The following OR2H2 variants were observed in gnomAD, a reference collection of about 807,000 sequenced individuals.
OR2H2 encodes olfactory receptor family 2 subfamily H member 2.
For synonymous variants in OR2H2, 146 were observed against 132.4 expected (o/e 1.10, Z -0.71); for missense variants, 295 against 313.7 (o/e 0.94, Z 0.45).
Position 29,585,807 on chromosome 6 carries a change from A to C in OR2H2, c.-276+457A>C, listed in dbSNP as rs534328021. On this transcript the variant is annotated intron_variant, in intron 1 of 1. Transcript: ENST00000641840. The stretch of plus-strand genomic sequence containing the variant: ...AATGAGAGTGGAAAAGACAGAGAAC[A>C]AAGAGGGAAAGGGAAACAGTCACTA... 7.2e-5 allele frequency among the ~76,000 whole-genome samples: 11 copies of C among 152,354 alleles called. No individual in the cohort carries two copies. The East Asian group carries it at 1.3e-3, about 19-fold the overall frequency.
At position 29,588,575 on chromosome 6, in the gene OR2H2, C is replaced by A. The variant is rs372781964; in HGVS notation, c.631C>A (p.Leu211Ile). Residue 211 changes from leucine to isoleucine, a missense_variant, in exon 2 of 2, where the codon CTC becomes ATC. Physicochemically the swap from Leu to Ile is conservative, Grantham distance 5. Coordinates refer to ENST00000641840, the MANE Select transcript of OR2H2 (RefSeq NM_007160.4). Reference protein sequence around the residue: ...SVFILVVPLSLILVSYGAITW... With the variant: ...SVFILVVPLSIILVSYGAITW... ...CTTCATCTTGGTTGTGCCTCTCAGC[C>A]TCATCCTTGTCTCTTACGGAGCCAT... 1 of 1,026,220 alleles carries A rather than the reference C, an allele frequency of 9.7e-7. No individual in the cohort carries two copies. Among genetic ancestry groups the A allele is most frequent in the Non-Finnish European group, 1.6e-6 (1 of 643,852 alleles). 63.6% of individuals were successfully genotyped at this position (1,026,220 alleles called of 1,614,324 possible). A position where few individuals can be genotyped will look rare whatever the true frequency, so the allele number is the denominator to read the frequency against.
rs776753816 is a variant in OR2H2 at position 29,588,453 on chromosome 6, G to C, written c.509G>C (p.Arg170Pro). The C allele has an allele frequency of 5.2e-6, 7 of 1,339,222 alleles. No individual in the cohort carries two copies. The African/African-American group carries it at 1.0e-4, about 19-fold the overall frequency. The allele number at this position is 1,339,222 out of a possible 1,614,324, so 83.0% of individuals were successfully genotyped here. The change falls in exon 2 of 2, where the codon CGG becomes CCG. Residue 170 changes from arginine to proline, a missense_variant. Physicochemically the swap from Arg to Pro is moderately radical, Grantham distance 103. Transcript: ENST00000641840. ...STLHLPFCPD[R>P]QVDDFVCEVP... ...CTGCACCTGCCCTTCTGCCCCGATC[G>C]GCAGGTGGATGATTTTGTCTGTGAG...
chr6:29,586,049 C>T (rs1760230984), intron 1 of OR2H2, among the ~76,000 whole-genome samples: 1 of 152,166 alleles, frequency 6.6e-6, no homozygotes, highest in Admixed American at 6.5e-5. Flanking sequence ...CATGAGGTTT[C>T]TTTTGGGAGT....
Position 29,588,880 on chromosome 6 carries a change from C to T in OR2H2, c.936C>T (p.Ser312=), listed in dbSNP as rs752171782. 3 of 790,718 alleles carry T rather than the reference C, an allele frequency of 3.8e-6. No individual in the cohort carries two copies. Among genetic ancestry groups the T allele is most frequent in the African/African-American group, 1.7e-5 (1 of 59,312 alleles). The allele number at this position is 790,718 out of a possible 1,614,324, so 49.0% of individuals were successfully genotyped here. A position where few individuals can be genotyped will look rare whatever the true frequency, so the allele number is the denominator to read the frequency against. ...LLGKEMGLTQ[S] Reference sequence around the variant, plus strand: ...GGAAGGAAATGGGGCTCACACAAAGCTGAGGGAGAGCTGCTTAATGTGCTT... The same window carrying T: ...GGAAGGAAATGGGGCTCACACAAAGTTGAGGGAGAGCTGCTTAATGTGCTT... The change falls in exon 2 of 2, where the codon AGC becomes AGT. Residue 312 remains serine, a synonymous_variant. Coordinates refer to ENST00000641840, the MANE Select transcript of OR2H2 (RefSeq NM_007160.4).
rs937453283 is a variant in OR2H2, at chr6:29,589,292, C to G, written c.*409C>G. On this transcript the variant is annotated 3_prime_UTR_variant, in exon 2 of 2. Coordinates refer to ENST00000641840, the MANE Select transcript of OR2H2 (RefSeq NM_007160.4). ...TCACTATATGTCTGTTTTGTATTCT[C>G]ATTCTATTTTATTCCTCAAATAACA... is the stretch of plus-strand genomic sequence containing the variant. 1 of 179,702 alleles carries G rather than the reference C, an allele frequency of 5.6e-6. No individual in the cohort carries two copies. The highest frequency in any genetic ancestry group is 1.2e-5 in the Non-Finnish European group (1 of 85,672). The allele number at this position is 179,702 out of a possible 1,614,324, so 11.1% of individuals were successfully genotyped here. A position where few individuals can be genotyped will look rare whatever the true frequency, so the allele number is the denominator to read the frequency against.
rs1284315541 is a variant in OR2H2, at chr6:29,590,244, T to C, written c.*1361T>C. ...CAGAATTTATGTTACCACTTGCAAA[T>C]GTGCAAGACAGGATTTGAACCCAGG... On this transcript the variant is annotated 3_prime_UTR_variant, in exon 2 of 2. Coordinates refer to ENST00000641840, the MANE Select transcript of OR2H2 (RefSeq NM_007160.4). 2 of 152,182 alleles carry C rather than the reference T, an allele frequency of 1.3e-5. No individual in the cohort carries two copies. Among genetic ancestry groups the C allele is most frequent in the Non-Finnish European group, 2.9e-5 (2 of 68,026 alleles). 9.4% of individuals were successfully genotyped at this position (152,182 alleles called of 1,614,324 possible).
Position 29,588,430 on chromosome 6 carries a change from G to A in OR2H2, c.486G>A (p.Leu162=), listed in dbSNP as rs371774613. 20 of 1,485,220 alleles carry A rather than the reference G, an allele frequency of 1.3e-5. No homozygotes were observed. The African/African-American group carries it at 2.8e-4, about 21-fold the overall frequency. 92.0% of individuals were successfully genotyped at this position (1,485,220 alleles called of 1,614,324 possible). The change falls in exon 2 of 2, where the codon CTG becomes CTA. Residue 162 remains leucine (L), a synonymous_variant. Coordinates refer to ENST00000641840, the MANE Select transcript of OR2H2 (RefSeq NM_007160.4). ...VESVVQTPST[L]HLPFCPDRQV... is the part of the protein sequence containing the mutation. Reference sequence around the variant, plus strand: ...CAGTGGTCCAGACACCATCCACCCTGCACCTGCCCTTCTGCCCCGATCGGC... The same window carrying A: ...CAGTGGTCCAGACACCATCCACCCTACACCTGCCCTTCTGCCCCGATCGGC...
chr6:29,587,753 A>G lies in OR2H2; in HGVS notation c.-192A>G, dbSNP rs1328620526. On this transcript the variant is annotated 5_prime_UTR_variant, in exon 2 of 2. Coordinates refer to ENST00000641840, the MANE Select transcript of OR2H2 (RefSeq NM_007160.4). ...CACTCTCACTAGACAATGTTTGACCAGGAAGAACAGGGAATGAGAAGGAGC... is the reference window on the plus strand; with the variant it reads ...CACTCTCACTAGACAATGTTTGACCGGGAAGAACAGGGAATGAGAAGGAGC... 3.6e-6 allele frequency: 2 copies of G among 555,818 alleles called. No homozygotes were observed. Among genetic ancestry groups the G allele is most frequent in the Non-Finnish European group, 3.2e-6 (1 of 311,350 alleles). The allele number at this position is 555,818 out of a possible 1,614,324, so 34.4% of individuals were successfully genotyped here.
In OR2H2 at chr6:29,588,326, C is replaced by G. The variant is rs751959907; in HGVS notation, c.382C>G (p.Leu128Val). The change falls in exon 2 of 2, where the codon CTC (leucine) becomes GTC (valine). Residue 128 changes from leucine to valine, a missense_variant. Coordinates refer to ENST00000641840, the MANE Select transcript of OR2H2 (RefSeq NM_007160.4). ...TCGCTACGTGGCTGTCTGCCAGCCC[C>G]TCCACTATGCCACCATCATCCACCC... is the stretch of plus-strand genomic sequence containing the variant. ...FDRYVAVCQP[L>V]HYATIIHPRL... 5 of 1,612,932 alleles carry G rather than the reference C, an allele frequency of 3.1e-6. No individual in the cohort carries two copies. The highest frequency in any genetic ancestry group is 4.2e-6 in the Non-Finnish European group (5 of 1,180,004).
Position 29,588,495 on chromosome 6 carries a change from G to C in OR2H2, c.551G>C (p.Arg184Pro), listed in dbSNP as rs528292862. ...GTCTGTGAGGTCCCAGCTCTAATTC[G>C]ACTCTCCTGTGAAGACACCTCCTAC... ...DFVCEVPALI[R>P]LSCEDTSYNE... The change falls in exon 2 of 2, where the codon CGA (arginine) becomes CCA (proline). Residue 184 changes from arginine to proline, a missense_variant. Physicochemically the swap from Arg to Pro is moderately radical, Grantham distance 103 (BLOSUM62 -2). Transcript: ENST00000641840. The C allele has an allele frequency of 2.9e-6, 3 of 1,050,056 alleles. No individual in the cohort carries two copies. The highest frequency in any genetic ancestry group is 4.5e-6 in the Non-Finnish European group (3 of 665,370). The allele number at this position is 1,050,056 out of a possible 1,614,324, so 65.0% of individuals were successfully genotyped here.
chr6:29,588,528 T>C lies in OR2H2; in HGVS notation c.584T>C (p.Ile195Thr). 2 of 952,948 alleles carry C rather than the reference T, an allele frequency of 2.1e-6. No individual in the cohort carries two copies. The highest frequency in any genetic ancestry group is 1.7e-6 in the Non-Finnish European group (1 of 576,404). 59.0% of individuals were successfully genotyped at this position (952,948 alleles called of 1,614,324 possible). A position where few individuals can be genotyped will look rare whatever the true frequency, so the allele number is the denominator to read the frequency against. ...LSCEDTSYNE[I>T]QVAVASVFIL... ...TGTGAAGACACCTCCTACAATGAGATCCAGGTGGCTGTTGCCAGTGTCTTC... is the reference window on the plus strand; with the variant it reads ...TGTGAAGACACCTCCTACAATGAGACCCAGGTGGCTGTTGCCAGTGTCTTC... Residue 195 changes from isoleucine (I) to threonine (T), a missense_variant, in exon 2 of 2, where the codon ATC (isoleucine) becomes ACC (threonine). By Grantham distance (89) the Ile-to-Thr change is moderately conservative. Transcript: ENST00000641840.
chr6:29,588,293 G>A lies in OR2H2; in HGVS notation c.349G>A (p.Ala117Thr), dbSNP rs1582913304. The A allele has an allele frequency of 6.2e-7, 1 of 1,610,706 alleles. No individual in the cohort carries two copies. The highest frequency in any genetic ancestry group is 8.5e-7 in the Non-Finnish European group (1 of 1,177,852). Residue 117 changes from alanine to threonine, a missense_variant, in exon 2 of 2, where the codon GCT becomes ACT. Ala to Thr is a moderately conservative substitution (Grantham distance 58, BLOSUM62 0). Coordinates refer to ENST00000641840, the MANE Select transcript of OR2H2 (RefSeq NM_007160.4). ...TTECILLTVM[A>T]FDRYVAVCQP... ...TGAGTGCATCCTCTTGACAGTGATG[G>A]CTTTTGATCGCTACGTGGCTGTCTG...
rs1435189916 is a variant in OR2H2, at chr6:29,589,884, T to A, written c.*1001T>A. 6.6e-6 allele frequency: 1 copy of A among 152,228 alleles called. No homozygotes were observed. Among genetic ancestry groups the A allele is most frequent in the East Asian group, 1.9e-4 (1 of 5,202 alleles). The allele number at this position is 152,228 out of a possible 1,614,324, so 9.4% of individuals were successfully genotyped here. ...CATACACCTAACCTACCAAACATCA[T>A]AGCTTAGCCTAGCCTACCTTAAACA... On this transcript the variant is annotated 3_prime_UTR_variant, in exon 2 of 2. Transcript: ENST00000641840.
At position 29,588,886 on chromosome 6, in the gene OR2H2, G is replaced by C; in HGVS notation, c.*3G>C. The C allele has an allele frequency of 1.3e-6, 1 of 787,302 alleles. No homozygotes were observed. Among genetic ancestry groups the C allele is most frequent in the Non-Finnish European group, 2.4e-6 (1 of 425,104 alleles). The allele number at this position is 787,302 out of a possible 1,614,324, so 48.8% of individuals were successfully genotyped here. ...AAATGGGGCTCACACAAAGCTGAGG[G>C]AGAGCTGCTTAATGTGCTTTAAAAG... On this transcript the variant is annotated 3_prime_UTR_variant, in exon 2 of 2. Transcript: ENST00000641840.
rs533974337 is a variant in OR2H2 at position 29,586,256 on chromosome 6, C to T, written c.-276+906C>T. ...CTGTAATCCCAGCACTTTGGGAGGC[C>T]GAGGCAGGCAGATCACCTGAGGTCA... On this transcript the variant is annotated intron_variant, in intron 1 of 1. Coordinates refer to ENST00000641840, the MANE Select transcript of OR2H2 (RefSeq NM_007160.4). Among the ~76,000 whole-genome samples the T allele has an allele frequency of 3.3e-5, 5 of 152,126 alleles. No individual in the cohort carries two copies. The East Asian group carries it at 9.7e-4, about 29-fold the overall frequency.
chr6:29,588,114 T>C lies in OR2H2; in HGVS notation c.170T>C (p.Met57Thr). 9.8e-7 allele frequency: 1 copy of C among 1,015,770 alleles called. No individual in the cohort carries two copies. The highest frequency in any genetic ancestry group is 1.6e-6 in the Non-Finnish European group (1 of 633,056). The allele number at this position is 1,015,770 out of a possible 1,614,324, so 62.9% of individuals were successfully genotyped here. The change falls in exon 2 of 2, where the codon ATG (methionine) becomes ACG (threonine). Residue 57 changes from methionine to threonine, a missense_variant. By Grantham distance (81) the Met-to-Thr change is moderately conservative. Coordinates refer to ENST00000641840, the MANE Select transcript of OR2H2 (RefSeq NM_007160.4). ...SALDPKLHSP[M>T]YFFLSNLSFL... ...CTGGACCCCAAGCTCCACTCTCCAA[T>C]GTACTTTTTCCTCTCCAACCTCTCC...
At chr6:29,586,817 C>T (rs1760293808) in intron 1 of OR2H2, among the ~76,000 whole-genome samples, 1 of 152,106 alleles carries the variant, frequency 6.6e-6, no homozygotes, top group African/African-American at 2.4e-5. Flanking sequence ...CTCCATGGCA[C>T]GTTTGTGGTG....
Position 29,588,231 on chromosome 6 carries a change from C to G in OR2H2, c.287C>G (p.Ser96Cys). The stretch of plus-strand genomic sequence containing the variant: ...AAGACCATCAGCTTCCTGGACTGCT[C>G]TGTCCAGATCTTCATCTTCCTGTCC... Reference protein sequence around the residue: ...PKKTISFLDCSVQIFIFLSLG... With the variant: ...PKKTISFLDCCVQIFIFLSLG... The change falls in exon 2 of 2, where the codon TCT (serine) becomes TGT (cysteine). Residue 96 changes from serine (S) to cysteine (C), a missense_variant. Transcript: ENST00000641840. 1 of 1,555,892 alleles carries G rather than the reference C, an allele frequency of 6.4e-7. No homozygotes were observed. The highest frequency in any genetic ancestry group is 8.9e-7 in the Non-Finnish European group (1 of 1,127,878).
At position 29,587,772 on chromosome 6, in the gene OR2H2, A is replaced by G. The variant is rs1407846399; in HGVS notation, c.-173A>G. The G allele has an allele frequency of 1.7e-6, 1 of 578,614 alleles. No homozygotes were observed. The highest frequency in any genetic ancestry group is 3.1e-6 in the Non-Finnish European group (1 of 321,284). 35.8% of individuals were successfully genotyped at this position (578,614 alleles called of 1,614,324 possible). On this transcript the variant is annotated 5_prime_UTR_variant, in exon 2 of 2. Coordinates refer to ENST00000641840, the MANE Select transcript of OR2H2 (RefSeq NM_007160.4). ...TTGACCAGGAAGAACAGGGAATGAG[A>G]AGGAGCTGCTGGATGGTGATGAGCC...
Sources: gnomAD v4.1 joint callset for allele counts (sites outside exome capture counted in the v4.1 genomes callset) on GRCh38, gnomAD v4.1.1 for gene constraint, MANE v1.5 for transcripts, NCBI Gene and HGNC (gene_info 2026-07-23, HGNC 2026-07-21) for gene names.